The following TYW1B variants were observed in gnomAD, a reference collection of about 807,000 sequenced individuals.
TYW1B encodes the protein tRNA-yW synthesizing protein 1 homolog B.
In TYW1B, 73 loss-of-function variants were observed where a neutral mutation model predicts 86.9. The observed-to-expected ratio is 0.84, with a 90% CI of 0.70 to 1.02. The LOEUF (loss-of-function observed/expected upper bound fraction) is 1.02, where lower values mean the gene tolerates loss of function less well. TYW1B is among the 50% of genes least tolerant of loss of function. TYW1B has a pLI of 0.00. For synonymous variants in TYW1B, 248 were observed against 292.8 expected (o/e 0.85, Z 1.56); for missense variants, 637 against 827.4 (o/e 0.77, Z 2.82).
intron 7 of TYW1B, among the ~76,000 whole-genome samples, chr7:72,766,643 A>G (rs1359454629): frequency 8.2e-6 from 1 of 122,694 alleles, no homozygotes; most frequent in Non-Finnish European, 1.7e-5. Context: ...ACATAACTAC[A>G]GGGCCAGGCG....
chr7:72,714,509 A>G (rs1786740678), intron 9 of TYW1B, among the ~76,000 whole-genome samples: 1 of 151,676 alleles, frequency 6.6e-6, no homozygotes, highest in Non-Finnish European at 1.5e-5. Flanking sequence ...TGTGGTCCCA[A>G]CTACTTGGGA....
intron 12 of TYW1B, among the ~76,000 whole-genome samples, chr7:72,628,191 G>T (rs1464568358): frequency 6.6e-6 from 1 of 152,188 alleles, no homozygotes; most frequent in Non-Finnish European, 1.5e-5. Context: ...GCTGAGGCAG[G>T]AGGACTGCTG....
At chr7:72,699,538 T>C (rs1288734789) in intron 10 of TYW1B, among the ~76,000 whole-genome samples, 2 of 152,188 alleles carry the variant, frequency 1.3e-5, no homozygotes, top group Non-Finnish European at 2.9e-5. Flanking sequence ...TTAACCACAA[T>C]TTAAAAATCC....
At chr7:72,715,759 GA>G (rs574979686) in intron 9 of TYW1B, among the ~76,000 whole-genome samples, 232 of 151,588 alleles carry the variant, frequency 1.5e-3, no homozygotes, top group African/African-American at 5.5e-3. Flanking sequence ...AAAAAACAAA[GA>G]AAAAATATAT....
At chr7:72,684,687 C>G (rs1314380515) in intron 11 of TYW1B, among the ~76,000 whole-genome samples, 2 of 152,094 alleles carry the variant, frequency 1.3e-5, no homozygotes, top group South Asian at 2.1e-4. Context: ...ATTCTTAATT[C>G]ATCTAACAGA....
intron 11 of TYW1B, among the ~76,000 whole-genome samples, chr7:72,654,223 TAA>T (rs1314918770): frequency 6.6e-6 from 1 of 151,790 alleles, no homozygotes; most frequent in African/African-American, 2.4e-5. Context: ...CCCTAAAACA[TAA>T]GTCTTTACTA....
intron 13 of TYW1B, among the ~76,000 whole-genome samples, chr7:72,594,742 C>T (rs1811486475): frequency 6.6e-6 from 1 of 152,060 alleles, no homozygotes; most frequent in Admixed American, 6.6e-5. Flanking sequence ...AATACTGACA[C>T]AAAAATCCTC....
At chr7:72,821,929 TGAGA>T (rs1283252403) in intron 2 of TYW1B, among the ~76,000 whole-genome samples, 2 of 151,790 alleles carry the variant, frequency 1.3e-5, no homozygotes, top group African/African-American at 4.8e-5. Flanking sequence ...AGTCTGGAGT[TGAGA>T]GAAACAGTTA....
intron 11 of TYW1B, among the ~76,000 whole-genome samples, chr7:72,677,039 C>T (rs1417366760): frequency 7.2e-5 from 11 of 152,054 alleles, no homozygotes; most frequent in Non-Finnish European, 1.5e-4. Flanking sequence ...ACAATGTTCT[C>T]GAGTTAGGTA....
intron 13 of TYW1B, among the ~76,000 whole-genome samples, chr7:72,584,406 T>G (rs1180812786): frequency 6.6e-6 from 1 of 152,008 alleles, no homozygotes; most frequent in Non-Finnish European, 1.5e-5. Context: ...TATCCCTAAG[T>G]TAACTCCCTT....
intron 13 of TYW1B, among the ~76,000 whole-genome samples, chr7:72,597,362 G>GA (rs1811560964): frequency 6.6e-6 from 1 of 151,712 alleles, no homozygotes; most frequent in South Asian, 2.1e-4. Flanking sequence ...TGTTAGCTTA[G>GA]AAAAAAAGAG....
chr7:72,770,164 C>T (rs1787841105), intron 7 of TYW1B, among the ~76,000 whole-genome samples: 1 of 151,550 alleles, frequency 6.6e-6, no homozygotes, highest in African/African-American at 2.4e-5. Context: ...GGCACGGTGG[C>T]TCAAACCTGT....
At chr7:72,824,454 T>G (rs1388861214) in intron 2 of TYW1B, among the ~76,000 whole-genome samples, 2 of 151,912 alleles carry the variant, frequency 1.3e-5, no homozygotes, top group Admixed American at 1.3e-4. Flanking sequence ...TTAAATAAAT[T>G]TTTTGGCTGG....
chr7:72,790,534 T>G (rs1414465648), intron 6 of TYW1B, among the ~76,000 whole-genome samples: 1 of 152,232 alleles, frequency 6.6e-6, no homozygotes, highest in East Asian at 1.9e-4. Context: ...GCCCACACCC[T>G]CCTCCTCCAG....
intron 6 of TYW1B, among the ~76,000 whole-genome samples, chr7:72,795,353 G>A (rs1469945001): frequency 2.0e-5 from 3 of 151,526 alleles, no homozygotes; most frequent in Admixed American, 6.6e-5. Context: ...TTTTCTCATC[G>A]TCTCTTTTAA....
intron 13 of TYW1B, 40 bp downstream of exon 13, chr7:72,616,632 G>A (rs782008421): frequency 3.1e-6 from 5 of 1,613,598 alleles, no homozygotes; most frequent in Non-Finnish European, 4.2e-6. Context: ...AGAACAGCAG[G>A]GTCAGGGAAC....
chr7:72,680,052 CCAGGAGTT>C (rs1813831938), intron 11 of TYW1B, among the ~76,000 whole-genome samples: 1 of 152,208 alleles, frequency 6.6e-6, no homozygotes, highest in Non-Finnish European at 1.5e-5. Context: ...CTGCTTGAGT[CCAGGAGTT>C]CAAGGCTGTG....
At chr7:72,698,883 G>C (rs3015937) in intron 10 of TYW1B, among the ~76,000 whole-genome samples, 118,424 of 152,072 alleles carry the variant, frequency 0.78, 46,752 homozygotes, top group Middle Eastern at 0.86. Flanking sequence ...AAAGTCCTAA[G>C]AGAAGCCAAA....
At chr7:72,765,734 G>A (rs1295442847) in intron 7 of TYW1B, among the ~76,000 whole-genome samples, 2 of 152,092 alleles carry the variant, frequency 1.3e-5, no homozygotes, top group Non-Finnish European at 2.9e-5. Flanking sequence ...TGAAAGTGCT[G>A]GGATTTCAGG....
Sources: gnomAD v4.1 joint callset for allele counts (sites outside exome capture counted in the v4.1 genomes callset) on GRCh38, gnomAD v4.1.1 for gene constraint, MANE v1.5 for transcripts, NCBI Gene and HGNC (gene_info 2026-07-23, HGNC 2026-07-21) for gene names.